PCDHGC3: variants seen among roughly 807,000 people sequenced by gnomAD.
PCDHGC3 encodes protocadherin gamma-C3.
Under a neutral mutation model 59.2 loss-of-function variants are expected in PCDHGC3, and 26 were observed. That is an observed-to-expected ratio of 0.44 (90% CI 0.32 to 0.61). The LOEUF is 0.61. Among genes scored for constraint, PCDHGC3 ranks in the 20% least tolerant of loss-of-function variants. PCDHGC3 has a pLI of 0.05. For synonymous variants in PCDHGC3, 487 were observed against 519.7 expected (o/e 0.94, Z 0.86); for missense variants, 1,080 against 1,221.8 (o/e 0.88, Z 1.73).
Position 141,491,508 on chromosome 5 carries a change from G to A in PCDHGC3, c.2431-3299G>A. The A allele has an allele frequency of 6.2e-7, 1 of 1,614,030 alleles. No individual in the cohort carries two copies. The highest frequency in any genetic ancestry group is 8.5e-7 in the Non-Finnish European group (1 of 1,180,014). The stretch of plus-strand genomic sequence containing the variant: ...ACCTGCAGGTGAGCTCGGACGGCAC[G>A]CTCAAGTACATGGAGGTGACGCTGC... On this transcript the variant is annotated intron_variant, in intron 1 of 3. Transcript: ENST00000308177. This position sits in a 1 kb window ranked among gnomAD's most constrained non-coding sequence, Gnocchi z 6.9.
chr5:141,500,184 T>TTTTA (rs58019021), intron 2 of PCDHGC3, among the ~76,000 whole-genome samples: 28,743 of 135,782 alleles, frequency 0.21, 3,285 homozygotes, highest in African/African-American at 0.3. Context: ...TCATTTTTAT[T>TTTTA]TTTATTTATT....
chr5:141,509,873 G>C (rs2099878704), intron 3 of PCDHGC3, among the ~76,000 whole-genome samples: 1 of 152,196 alleles, frequency 6.6e-6, no homozygotes, highest in South Asian at 2.1e-4. Flanking sequence ...CAAGCTGCTG[G>C]TGGTGATGGT....
Position 141,477,763 on chromosome 5 carries a change from C to G in PCDHGC3, c.1647C>G (p.Thr549=), listed in dbSNP as rs763322593. The G allele has an allele frequency of 6.2e-7, 1 of 1,614,012 alleles. No homozygotes were observed. Among genetic ancestry groups the G allele is most frequent in the Non-Finnish European group, 8.5e-7 (1 of 1,180,032 alleles). Reference sequence around the variant, plus strand: ...ATGGGGGCACCCCGGTCCTAGCCACCAACATCAGCGTGAACATATTTGTCA... The same window carrying G: ...ATGGGGGCACCCCGGTCCTAGCCACGAACATCAGCGTGAACATATTTGTCA... ...ISDGGTPVLA[T]NISVNIFVTD... is the part of the protein sequence containing the mutation. The change falls in exon 1 of 4, where the codon ACC becomes ACG. Residue 549 remains threonine (T), a synonymous_variant. Transcript: ENST00000308177. This position sits in a 1 kb window ranked among gnomAD's most constrained non-coding sequence, Gnocchi z 4.9.
At position 141,489,083 on chromosome 5, in the gene PCDHGC3, T is replaced by G; in HGVS notation, c.2431-5724T>G. On this transcript the variant is annotated intron_variant, in intron 1 of 3. Coordinates refer to ENST00000308177, the MANE Select transcript of PCDHGC3 (RefSeq NM_002588.4). This position sits in a 1 kb window ranked among gnomAD's most constrained non-coding sequence, Gnocchi z 4.5. ...CCTCCCCCCTGCCCACCCCCGCCACTCGGTGACTAAGAACTGCTGCAAGCA... is the reference window on the plus strand; with the variant it reads ...CCTCCCCCCTGCCCACCCCCGCCACGCGGTGACTAAGAACTGCTGCAAGCA... The G allele has an allele frequency of 1.2e-5, 2 of 172,008 alleles. No individual in the cohort carries two copies. Among genetic ancestry groups the G allele is most frequent in the Non-Finnish European group, 2.1e-5 (2 of 94,012 alleles). The allele number at this position is 172,008 out of a possible 1,614,324, so 10.7% of individuals were successfully genotyped here. A position where few individuals can be genotyped will look rare whatever the true frequency, so the allele number is the denominator to read the frequency against.
chr5:141,493,141 C>T lies in PCDHGC3; in HGVS notation c.2431-1666C>T, dbSNP rs1327581425. On this transcript the variant is annotated intron_variant, in intron 1 of 3. Coordinates refer to ENST00000308177, the MANE Select transcript of PCDHGC3 (RefSeq NM_002588.4). This position sits in a 1 kb window ranked among gnomAD's most constrained non-coding sequence, Gnocchi z 4.3. ...CTCCTAGGACTGTATTTTGAAACAC[C>T]CCCAGGTGATTTTGATAGCTGATTG... Among the ~76,000 whole-genome samples the T allele has an allele frequency of 1.4e-5, 2 of 146,284 alleles. No homozygotes were observed. Among genetic ancestry groups the T allele is most frequent in the East Asian group, 2.0e-4 (1 of 5,022 alleles).
chr5:141,490,215 G>C lies in PCDHGC3; in HGVS notation c.2431-4592G>C. 6.2e-7 allele frequency: 1 copy of C among 1,614,254 alleles called. No individual in the cohort carries two copies. Among genetic ancestry groups the C allele is most frequent in the African/African-American group, 1.3e-5 (1 of 75,078 alleles). On this transcript the variant is annotated intron_variant, in intron 1 of 3. Coordinates refer to ENST00000308177, the MANE Select transcript of PCDHGC3 (RefSeq NM_002588.4). The surrounding 1 kb of genome is among the most constrained non-coding windows in gnomAD (Gnocchi z 5.4). ...AAATTCATGCAAGAGCCCGTGACCA[G>C]GGACAGCCTGCCATGGAGGGCCACT... is the stretch of plus-strand genomic sequence containing the variant.
rs754547223 is a variant in PCDHGC3 at position 141,511,148 on chromosome 5, AGTC to A, written c.2782_2784del (p.Ser928del). The A allele has an allele frequency of 7.4e-6, 12 of 1,614,202 alleles. No individual in the cohort carries two copies. The highest frequency in any genetic ancestry group is 1.0e-5 in the Non-Finnish European group (12 of 1,180,016). ...GCAGGTGGCAATGGCAACAAGAAGA[AGTC>A]GGGCAAGAAGGAGAAGAAGTAACAT... On this transcript the variant is annotated inframe_deletion, in exon 4 of 4. Coordinates refer to ENST00000308177, the MANE Select transcript of PCDHGC3 (RefSeq NM_002588.4).
rs2099697431 is a variant in PCDHGC3 at position 141,490,222 on chromosome 5, C to T, written c.2431-4585C>T. The T allele has an allele frequency of 6.2e-7, 1 of 1,614,094 alleles. No homozygotes were observed. Among genetic ancestry groups the T allele is most frequent in the African/African-American group, 1.3e-5 (1 of 74,934 alleles). On this transcript the variant is annotated intron_variant, in intron 1 of 3. Coordinates refer to ENST00000308177, the MANE Select transcript of PCDHGC3 (RefSeq NM_002588.4). This position sits in a 1 kb window ranked among gnomAD's most constrained non-coding sequence, Gnocchi z 5.4. The stretch of plus-strand genomic sequence containing the variant: ...TGCAAGAGCCCGTGACCAGGGACAG[C>T]CTGCCATGGAGGGCCACTGTGTGAT...
intron 1 of PCDHGC3, 56 bp downstream of exon 1, chr5:141,478,602 T>C (rs2099466537): frequency 6.4e-7 from 1 of 1,563,560 alleles, no homozygotes; most frequent in Admixed American, 1.9e-5. Context: ...TCCTACATCA[T>C]ATTGAGGAAG....
Position 141,510,977 on chromosome 5 carries a change from G to T in PCDHGC3, c.2609G>T (p.Gly870Val). 1.2e-6 allele frequency: 2 copies of T among 1,614,170 alleles called. No individual in the cohort carries two copies. Among genetic ancestry groups the T allele is most frequent in the Non-Finnish European group, 1.7e-6 (2 of 1,180,020 alleles). The change falls in exon 4 of 4, where the codon GGG becomes GTG. Residue 870 changes from glycine to valine, a missense_variant. Physicochemically the swap from Gly to Val is moderately radical, Grantham distance 109. Transcript: ENST00000308177. ...GCTGATGGGAGCTCCACCCTGGGAG[G>T]GGGTGCCGGCACCATGGGATTGAGC... ...EAADGSSTLG[G>V]GAGTMGLSAR...
At chr5:141,479,391 T>G (rs2099494461) in intron 1 of PCDHGC3, 1 of 152,266 alleles carries the variant, frequency 6.6e-6, no homozygotes, top group Non-Finnish European at 1.5e-5. Flanking sequence ...AGCCCAGGAG[T>G]TCTGGGCTGT....
intron 1 of PCDHGC3, chr5:141,492,018 G>A: frequency 1.7e-6 from 1 of 585,594 alleles, no homozygotes; most frequent in Admixed American, 3.7e-5. Flanking sequence ...GGGTGTCGGG[G>A]GTCCCGGGAG....
Position 141,486,862 on chromosome 5 carries a change from A to G in PCDHGC3, c.2431-7945A>G. The G allele has an allele frequency of 6.2e-7, 1 of 1,614,256 alleles. No individual in the cohort carries two copies. The highest frequency in any genetic ancestry group is 1.3e-5 in the African/African-American group (1 of 75,078). On this transcript the variant is annotated intron_variant, in intron 1 of 3. Transcript: ENST00000308177. This position sits in a 1 kb window ranked among gnomAD's most constrained non-coding sequence, Gnocchi z 5.0. Reference sequence around the variant, plus strand: ...TGCTGGACCTCAATGACAATGCTCCAGCTGTGCTCCGTCCTCGGGCCCGGC... The same window carrying G: ...TGCTGGACCTCAATGACAATGCTCCGGCTGTGCTCCGTCCTCGGGCCCGGC...
chr5:141,494,878 T>A lies in PCDHGC3; in HGVS notation c.2489+13T>A. Reference sequence around the variant, plus strand: ...CCGGCACCAGCGGGTAGGTGACTGATTCTCCAGCCCACCCTCTTCTCTGCG... The same window carrying A: ...CCGGCACCAGCGGGTAGGTGACTGAATCTCCAGCCCACCCTCTTCTCTGCG... On this transcript the variant is annotated intron_variant, in intron 2 of 3. Coordinates refer to ENST00000308177, the MANE Select transcript of PCDHGC3 (RefSeq NM_002588.4). The A allele has an allele frequency of 6.2e-7, 1 of 1,614,072 alleles. No homozygotes were observed. The highest frequency in any genetic ancestry group is 8.5e-7 in the Non-Finnish European group (1 of 1,179,986).
chr5:141,494,926 G>T, intron 2 of PCDHGC3, 61 bp downstream of exon 2: 1 of 1,613,498 alleles, frequency 6.2e-7, no homozygotes, highest in Non-Finnish European at 8.5e-7. Flanking sequence ...GGATGACGTG[G>T]GAGGAGATGG....
chr5:141,478,599 T>A, intron 1 of PCDHGC3, 53 bp downstream of exon 1: 1 of 1,565,814 alleles, frequency 6.4e-7, no homozygotes, highest in Non-Finnish European at 8.7e-7. Flanking sequence ...TATTCCTACA[T>A]CATATTGAGG....
chr5:141,487,013 C>T lies in PCDHGC3; in HGVS notation c.2431-7794C>T. ...GGTTTCCTATCAGCTCCTGGAGGCC[C>T]CAGATCCCAGCCTGTTTGCAGTCTC... On this transcript the variant is annotated intron_variant, in intron 1 of 3. Coordinates refer to ENST00000308177, the MANE Select transcript of PCDHGC3 (RefSeq NM_002588.4). The surrounding 1 kb of genome is among the most constrained non-coding windows in gnomAD (Gnocchi z 5.0). The T allele has an allele frequency of 1.2e-6, 2 of 1,614,220 alleles. No individual in the cohort carries two copies. Among genetic ancestry groups the T allele is most frequent in the Non-Finnish European group, 1.7e-6 (2 of 1,180,040 alleles).
chr5:141,476,062 A>G lies in PCDHGC3; in HGVS notation c.-55A>G, dbSNP rs2099384587. On this transcript the variant is annotated 5_prime_UTR_variant, in exon 1 of 4. Coordinates refer to ENST00000308177, the MANE Select transcript of PCDHGC3 (RefSeq NM_002588.4). This position sits in a 1 kb window ranked among gnomAD's most constrained non-coding sequence, Gnocchi z 7.6. ...AGCGCTAACCCGCTGAAAGTTTCTC[A>G]GCGAAATCTCAGGGACGATCTGGAC... The G allele has an allele frequency of 1.8e-5, 27 of 1,509,766 alleles. No individual in the cohort carries two copies. Among genetic ancestry groups the G allele is most frequent in the Non-Finnish European group, 2.3e-5 (26 of 1,136,920 alleles). The allele number at this position is 1,509,766 out of a possible 1,614,324, so 93.5% of individuals were successfully genotyped here.
In PCDHGC3 at chr5:141,494,634, T is replaced by C. The variant is rs917243803; in HGVS notation, c.2431-173T>C. The C allele has an allele frequency of 1.1e-5, 10 of 889,216 alleles. No individual in the cohort carries two copies. In the African/African-American group the frequency reaches 1.8e-4, roughly 16 times the overall value. 55.1% of individuals were successfully genotyped at this position (889,216 alleles called of 1,614,324 possible). A position where few individuals can be genotyped will look rare whatever the true frequency, so the allele number is the denominator to read the frequency against. On this transcript the variant is annotated intron_variant, in intron 1 of 3. Coordinates refer to ENST00000308177, the MANE Select transcript of PCDHGC3 (RefSeq NM_002588.4). ...CTTGGTTTCTGGTACCTCAGACCTC[T>C]GAGACCTGAGGTGTATTTTGTCTTT...
Sources: allele counts gnomAD v4.1 joint callset (sites outside exome capture counted in the v4.1 genomes callset), GRCh38; gene constraint gnomAD v4.1.1; non-coding constraint Gnocchi (gnomAD v3.1); transcripts MANE v1.5; gene names NCBI Gene and HGNC (gene_info 2026-07-23, HGNC 2026-07-21).